TMEM132D: variants seen among roughly 807,000 people sequenced by gnomAD.
TMEM132D encodes the protein transmembrane protein 132D.
Under a neutral mutation model 62.3 loss-of-function variants are expected in TMEM132D, and 21 were observed. That is an observed-to-expected ratio of 0.34 (90% CI 0.24 to 0.49). The LOEUF is 0.49. TMEM132D is among the 20% of genes least tolerant of loss of function. The pLI, the probability that TMEM132D is intolerant of heterozygous loss-of-function variation, is 0.99. For synonymous variants in TMEM132D, 621 were observed against 575.6 expected, an observed-to-expected ratio of 1.08 and a Z score of -1.13; for missense variants, 1,346 against 1,402.8, an observed-to-expected ratio of 0.96 and a Z score of 0.65.
rs962115973 is a variant in TMEM132D, at chr12:129,648,564, A to T, written c.968+51246T>A. Among the ~76,000 whole-genome samples the T allele has an allele frequency of 5.3e-5, 8 of 152,222 alleles. No individual in the cohort carries two copies. In the East Asian group the frequency reaches 1.5e-3, roughly 29 times the overall value. The stretch of plus-strand genomic sequence containing the variant: ...ATTGGGCAGTTACAGTTCAAGGCAA[A>T]GCCTGTTTTATGCTTCTCTTGTCAC... On this transcript the variant is annotated intron_variant, in intron 2 of 8. Coordinates refer to ENST00000422113, the MANE Select transcript of TMEM132D (RefSeq NM_133448.3).
chr12:129,618,949 T>G (rs952660174), intron 2 of TMEM132D, among the ~76,000 whole-genome samples: 5 of 152,168 alleles, frequency 3.3e-5, no homozygotes, highest in Non-Finnish European at 5.9e-5. Context: ...ATAGGTGGAT[T>G]AAAAACTTTC....
intron 2 of TMEM132D, among the ~76,000 whole-genome samples, chr12:129,595,342 T>C: frequency 6.6e-6 from 1 of 152,152 alleles, no homozygotes; most frequent in East Asian, 1.9e-4. Context: ...TGCAGAGATA[T>C]CTTTGGTGCA....
At chr12:129,259,218 C>T (rs1880487744) in intron 4 of TMEM132D, among the ~76,000 whole-genome samples, 3 of 152,198 alleles carry the variant, frequency 2.0e-5, no homozygotes, top group Non-Finnish European at 4.4e-5. Flanking sequence ...AGCCAACACT[C>T]ACTGCAGGAG....
At chr12:129,593,959 C>A (rs1165938030) in intron 2 of TMEM132D, among the ~76,000 whole-genome samples, 1 of 152,168 alleles carries the variant, frequency 6.6e-6, no homozygotes, top group East Asian at 1.9e-4. Flanking sequence ...TGATATTAGG[C>A]AACCCCCTGT....
chr12:129,560,499 A>G (rs191536716), intron 2 of TMEM132D, among the ~76,000 whole-genome samples: 501 of 151,934 alleles, frequency 3.3e-3, no homozygotes, highest in Non-Finnish European at 4.8e-3. Flanking sequence ...TGAACTCCTG[A>G]CCTCAAATGA....
At chr12:129,831,363 G>T (rs2137334222) in intron 1 of TMEM132D, among the ~76,000 whole-genome samples, 1 of 152,316 alleles carries the variant, frequency 6.6e-6, no homozygotes, top group African/African-American at 2.4e-5. Context: ...ATACGCAAAT[G>T]CGATTGCGTG....
chr12:129,646,638 T>A (rs538746461), intron 2 of TMEM132D, among the ~76,000 whole-genome samples: 3 of 152,270 alleles, frequency 2.0e-5, no homozygotes, highest in Non-Finnish European at 4.4e-5. Context: ...TCCCCCAAGA[T>A]AATTACAATC....
intron 1 of TMEM132D, among the ~76,000 whole-genome samples, chr12:129,797,598 G>T (rs971415530): frequency 6.6e-6 from 1 of 152,176 alleles, no homozygotes; most frequent in African/African-American, 2.4e-5. Flanking sequence ...ACTTACATGA[G>T]AGACCCTGTG....
intron 2 of TMEM132D, among the ~76,000 whole-genome samples, chr12:129,596,451 T>C (rs1431181773): frequency 1.3e-5 from 2 of 152,164 alleles, no homozygotes; most frequent in African/African-American, 4.8e-5. Flanking sequence ...TATACAGTTG[T>C]CCCTTGGTAT....
chr12:129,780,882 C>T (rs1421360971), intron 1 of TMEM132D, among the ~76,000 whole-genome samples: 3 of 152,128 alleles, frequency 2.0e-5, no homozygotes, highest in Non-Finnish European at 2.9e-5. Context: ...CTGATTAACA[C>T]GGAACTTAGC....
At chr12:129,102,351 CAT>C (rs1205693777) in intron 5 of TMEM132D, among the ~76,000 whole-genome samples, 4 of 151,234 alleles carry the variant, frequency 2.6e-5, no homozygotes, top group East Asian at 2.0e-4. Flanking sequence ...CATGCATTCA[CAT>C]ATGTACGCAT....
At chr12:129,590,656 G>T (rs1739858132) in intron 2 of TMEM132D, among the ~76,000 whole-genome samples, 2 of 152,178 alleles carry the variant, frequency 1.3e-5, no homozygotes, top group South Asian at 4.1e-4. Context: ...AGGCTTAAAT[G>T]AGACAGCCGT....
chr12:129,535,810 G>GTGTGTA (rs1876372115), intron 2 of TMEM132D, among the ~76,000 whole-genome samples: 1 of 150,656 alleles, frequency 6.6e-6, no homozygotes, highest in African/African-American at 2.5e-5. Flanking sequence ...GTGTGTGTGT[G>GTGTGTA]TTGTTAGAAA....
chr12:129,663,329 G>A (rs1017754844), intron 2 of TMEM132D, among the ~76,000 whole-genome samples: 1 of 152,088 alleles, frequency 6.6e-6, no homozygotes, highest in Admixed American at 6.5e-5. Context: ...GTAGAGATGG[G>A]GTTTCACCAT....
intron 1 of TMEM132D, among the ~76,000 whole-genome samples, chr12:129,713,031 G>C (rs879002306): frequency 6.6e-6 from 1 of 152,106 alleles, no homozygotes; most frequent in African/African-American, 2.4e-5. Flanking sequence ...ACTCACAGCT[G>C]AGCCTAACCC....
chr12:129,230,535 AT>A (rs764481968), intron 4 of TMEM132D, among the ~76,000 whole-genome samples: 8 of 152,248 alleles, frequency 5.3e-5, no homozygotes, highest in Non-Finnish European at 1.0e-4. Context: ...CTACGGAGAA[AT>A]TTATGCTACA....
At chr12:129,877,053 A>G (rs990608650) in intron 1 of TMEM132D, among the ~76,000 whole-genome samples, 8 of 152,184 alleles carry the variant, frequency 5.3e-5, no homozygotes, top group African/African-American at 1.9e-4. Flanking sequence ...CTATCCGTGA[A>G]GAAGAGACTA....
intron 2 of TMEM132D, among the ~76,000 whole-genome samples, chr12:129,653,026 A>G (rs115265521): frequency 0.019 from 2,871 of 152,318 alleles, 85 homozygotes; most frequent in African/African-American, 0.064. Context: ...TATGTTAAAG[A>G]ATAATCCACC....
intron 5 of TMEM132D, among the ~76,000 whole-genome samples, chr12:129,130,054 T>TGTGTGTGTGTGTGTG (rs1593270738): frequency 6.6e-6 from 1 of 151,196 alleles, no homozygotes; most frequent in African/African-American, 2.4e-5. Flanking sequence ...TGTGTGTGTG[T>TGTGTGTGTGTGTGTG]TTATTTATGC....
Sources: gnomAD v4.1 joint callset for allele counts (sites outside exome capture counted in the v4.1 genomes callset) on GRCh38, gnomAD v4.1.1 for gene constraint, MANE v1.5 for transcripts, NCBI Gene and HGNC (gene_info 2026-07-23, HGNC 2026-07-21) for gene names.